RIPOR3: variants seen among roughly 807,000 people sequenced by gnomAD.
The protein encoded by RIPOR3 is family with sequence similarity 65 member C.
Under a neutral mutation model 114.3 loss-of-function variants are expected in RIPOR3, and 95 were observed. That is an observed-to-expected ratio of 0.83 (90% CI 0.70 to 0.99). RIPOR3 has a LOEUF of 0.99. Among genes scored for constraint, RIPOR3 ranks in the 50% least tolerant of loss-of-function variants. The probability of loss-of-function intolerance (pLI) is 0.00; values close to 1 mark genes in which losing one functional copy is unlikely to be tolerated. For missense variants in RIPOR3, 1,252 were observed against 1,266.9 expected, an observed-to-expected ratio of 0.99 and a Z score of 0.18; for synonymous variants, 575 against 543.8, an observed-to-expected ratio of 1.06 and a Z score of -0.80.
chr20:50,629,513 G>A (rs1481324376), intron 2 of RIPOR3, among the ~76,000 whole-genome samples: 2 of 152,140 alleles, frequency 1.3e-5, no homozygotes, highest in East Asian at 3.9e-4. Context: ...TTCCTCCCAG[G>A]GACTTAGTAC....
At chr20:50,682,753 G>A (rs2086900231) in intron 1 of RIPOR3, among the ~76,000 whole-genome samples, 1 of 149,202 alleles carries the variant, frequency 6.7e-6, no homozygotes, top group East Asian at 2.0e-4. Flanking sequence ...TTGAGACGGA[G>A]TTTCGCACTC....
chr20:50,649,910 G>A (rs768231881), intron 1 of RIPOR3, among the ~76,000 whole-genome samples: 1 of 152,234 alleles, frequency 6.6e-6, no homozygotes. Context: ...CCCCAGCCGG[G>A]CTAACTAGGC....
At chr20:50,679,957 A>C (rs2086807113) in intron 1 of RIPOR3, among the ~76,000 whole-genome samples, 1 of 152,160 alleles carries the variant, frequency 6.6e-6, no homozygotes, top group Non-Finnish European at 1.5e-5. Context: ...ATCCTGTCTC[A>C]AAACAAACAG....
At chr20:50,670,158 C>CAAAAAA (rs34360499) in intron 1 of RIPOR3, among the ~76,000 whole-genome samples, 5 of 49,216 alleles carry the variant, frequency 1.0e-4, no homozygotes, top group South Asian at 7.2e-4. Context: ...AACTCCATCT[C>CAAAAAA]AAAAAAAAAA....
At position 50,619,980 on chromosome 20, in the gene RIPOR3, C is replaced by A. The variant is rs754808743; in HGVS notation, c.269+6G>T. 3 of 1,610,524 alleles carry A rather than the reference C, an allele frequency of 1.9e-6. No individual in the cohort carries two copies. The highest frequency in any genetic ancestry group is 3.3e-5 in the Admixed American group (2 of 59,910). ...TTCTTAAAGGCAGCACACAGCCCAG[C>A]CTTACTTGAGGCCTCTTTTCAATGC... On this transcript the variant is annotated splice_donor_region_variant and intron_variant, in intron 3 of 21. Coordinates refer to ENST00000327979, the MANE Select transcript of RIPOR3 (RefSeq NM_001290268.2).
rs564834243 is a variant in RIPOR3 at position 50,599,889 on chromosome 20, C to T, written c.1660-2179G>A. ...ATGTATATGTATGTGTGTATGTATG[C>T]GCTCACACACACACTTTTTTTTCTT... On this transcript the variant is annotated intron_variant, in intron 13 of 21. Transcript: ENST00000327979. 2.7e-5 allele frequency among the ~76,000 whole-genome samples: 4 copies of T among 150,480 alleles called. No homozygotes were observed. In the South Asian group the frequency reaches 6.3e-4, roughly 24 times the overall value.
chr20:50,600,733 C>A (rs1311292562), intron 13 of RIPOR3, among the ~76,000 whole-genome samples: 1 of 152,144 alleles, frequency 6.6e-6, no homozygotes, highest in East Asian at 1.9e-4. Context: ...GAACTCCAGC[C>A]TGGGCAACAG....
chr20:50,595,564 T>TA (rs898020289), intron 15 of RIPOR3, 60 bp from the exon 16 acceptor site: 48 of 1,590,490 alleles, frequency 3.0e-5, no homozygotes, highest in South Asian at 2.1e-4. Context: ...GGTCAGCTGT[T>TA]ACGGCTGTGG....
chr20:50,610,127 TCACCTGCCACCCCG>T (rs1269904770), intron 6 of RIPOR3, among the ~76,000 whole-genome samples: 2,352 of 81,136 alleles, frequency 0.029, 402 homozygotes, highest in African/African-American at 0.1. Context: ...CACCCCGGCC[TCACCTGCCACCCCG>T]GCCTCACCTG....
At chr20:50,641,293 C>T (rs1247621489) in intron 1 of RIPOR3, among the ~76,000 whole-genome samples, 3 of 152,176 alleles carry the variant, frequency 2.0e-5, no homozygotes, top group African/African-American at 4.8e-5. Flanking sequence ...CAGCTCACTG[C>T]AGCCTTGACC....
chr20:50,633,282 AC>A (rs145382998), intron 1 of RIPOR3, among the ~76,000 whole-genome samples: 4,615 of 152,154 alleles, frequency 0.03, 92 homozygotes, highest in Middle Eastern at 0.051. Flanking sequence ...AAAACAAAAA[AC>A]AAAAAATAGT....
intron 1 of RIPOR3, among the ~76,000 whole-genome samples, chr20:50,677,652 G>T (rs1392877030): frequency 6.9e-6 from 1 of 144,248 alleles, no homozygotes; most frequent in Non-Finnish European, 1.5e-5. Flanking sequence ...GATTACAGGC[G>T]TGAGCCACCG....
At chr20:50,588,297 AAGGACCGGCAT>A (rs572224892) in intron 20 of RIPOR3, among the ~76,000 whole-genome samples, 367 of 152,378 alleles carry the variant, frequency 2.4e-3, no homozygotes, top group African/African-American at 8.5e-3. Context: ...CCTGCAGGCC[AAGGACCGGCAT>A]GCGCTGCAGC....
At chr20:50,673,595 G>T (rs2086593938) in intron 1 of RIPOR3, among the ~76,000 whole-genome samples, 1 of 152,244 alleles carries the variant, frequency 6.6e-6, no homozygotes, top group South Asian at 2.1e-4. Flanking sequence ...GCTGTCAGAG[G>T]CTCCTAACTG....
At chr20:50,636,764 G>T in intron 1 of RIPOR3, 1 of 985,530 alleles carries the variant, frequency 1.0e-6, no homozygotes, top group Non-Finnish European at 1.2e-6. Context: ...AGGAAGCAGA[G>T]TCTACTCCCG....
intron 2 of RIPOR3, chr20:50,620,770 C>T (rs1439031777): frequency 5.7e-6 from 5 of 883,172 alleles, no homozygotes; most frequent in East Asian, 5.6e-5. Flanking sequence ...TGGCTCTGCG[C>T]TACCCTATGG....
At chr20:50,609,941 C>A (rs901491656) in intron 6 of RIPOR3, among the ~76,000 whole-genome samples, 16 of 148,872 alleles carry the variant, frequency 1.1e-4, no homozygotes, top group Admixed American at 8.6e-4. Flanking sequence ...ATCTGCCTCA[C>A]CTGCCTCACC....
chr20:50,637,574 T>A (rs965316739), intron 1 of RIPOR3, among the ~76,000 whole-genome samples: 1 of 151,860 alleles, frequency 6.6e-6, no homozygotes, highest in African/African-American at 2.4e-5. Flanking sequence ...TAAAAAAAAG[T>A]TTTTGGGGCC....
rs764169402 is a variant in RIPOR3, at chr20:50,602,535, CTTCTTAGGCTGG to C, written c.1184_1195del (p.Pro395_Ser399delinsArg). On this transcript the variant is annotated inframe_deletion, in exon 13 of 22. Coordinates refer to ENST00000327979, the MANE Select transcript of RIPOR3 (RefSeq NM_001290268.2). The surrounding 1 kb of genome is among the most constrained non-coding windows in gnomAD (Gnocchi z 4.3). ...CATCTCAGGCAGCTCCTGACTCTGG[CTTCTTAGGCTGG>C]GACCCCGGAGGTCGCTGTCAGACAG... is the stretch of plus-strand genomic sequence containing the variant. 1 of 1,558,604 alleles carries C rather than the reference CTTCTTAGGCTGG, an allele frequency of 6.4e-7. No individual in the cohort carries two copies. Among genetic ancestry groups the C allele is most frequent in the Non-Finnish European group, 8.7e-7 (1 of 1,151,300 alleles).
Sources: allele counts gnomAD v4.1 joint callset (sites outside exome capture counted in the v4.1 genomes callset), GRCh38; gene constraint gnomAD v4.1.1; non-coding constraint Gnocchi (gnomAD v3.1); transcripts MANE v1.5; gene names NCBI Gene and HGNC (gene_info 2026-07-23, HGNC 2026-07-21).